The following MKLN1 variants were observed in gnomAD, a reference collection of about 807,000 sequenced individuals.
MKLN1 encodes the protein muskelin 1, also known as muskelin.
A neutral mutation model predicts 99.0 loss-of-function variants in MKLN1; 18 were observed. That is an observed-to-expected ratio of 0.18 (90% CI 0.13 to 0.27). The LOEUF (loss-of-function observed/expected upper bound fraction) is 0.27. Among genes scored for constraint, MKLN1 ranks in the 10% least tolerant of loss-of-function variants. The probability of loss-of-function intolerance (pLI) is 1.00; values close to 1 mark genes in which losing one functional copy is unlikely to be tolerated. For synonymous variants in MKLN1, 288 were observed against 293.2 expected (o/e 0.98, Z 0.18); for missense variants, 621 against 875.9 (o/e 0.71, Z 3.67).
At chr7:131,357,370 C>A (rs1045342062) in intron 1 of MKLN1, among the ~76,000 whole-genome samples, 10 of 152,112 alleles carry the variant, frequency 6.6e-5, no homozygotes, top group Non-Finnish European at 1.3e-4. Context: ...TGATCACCTC[C>A]CTGAGGTGGT....
At chr7:131,418,055 A>AGCAC (rs1778943359) in intron 8 of MKLN1, among the ~76,000 whole-genome samples, 1 of 152,156 alleles carries the variant, frequency 6.6e-6, no homozygotes, top group South Asian at 2.1e-4. Context: ...TTGTCTCGTT[A>AGCAC]GCACCAGAGA....
intron 3 of MKLN1, among the ~76,000 whole-genome samples, chr7:131,314,572 G>C (rs1275425620): frequency 6.6e-6 from 1 of 151,496 alleles, no homozygotes; most frequent in African/African-American, 2.4e-5. Context: ...ACAGGCACCT[G>C]CCACCACGCC....
intron 1 of MKLN1, among the ~76,000 whole-genome samples, chr7:131,129,765 G>A (rs1240308450): frequency 1.3e-5 from 2 of 152,076 alleles, no homozygotes; most frequent in East Asian, 1.9e-4. Context: ...TTTTAGAGAC[G>A]AGGTCTTGCT....
chr7:131,346,120 T>A (rs1185366332), intron 1 of MKLN1, among the ~76,000 whole-genome samples: 1 of 152,206 alleles, frequency 6.6e-6, no homozygotes, highest in East Asian at 1.9e-4. Context: ...ACCAAGATAA[T>A]ATAAACTTTT....
In MKLN1 at chr7:131,470,868, C is replaced by T. The variant is rs1319790418; in HGVS notation, c.1955C>T (p.Pro652Leu). The change falls in exon 16 of 18, where the codon CCC becomes CTC. Residue 652 changes from proline to leucine, a missense_variant. This residue lies in a region of MKLN1 where 126 missense variants were observed against 157.4 expected (regional missense o/e 0.80). Coordinates refer to ENST00000352689, the MANE Select transcript of MKLN1 (RefSeq NM_013255.5). ...TTTGAAGAAAAGGCCCAAGTGGATC[C>T]CCTTAGTGCTCTGAAATATTTACAA... Reference protein sequence around the residue: ...HRFEEKAQVDPLSALKYLQND... With the variant: ...HRFEEKAQVDLLSALKYLQND... 1.2e-6 allele frequency: 2 copies of T among 1,612,048 alleles called. No homozygotes were observed. Among genetic ancestry groups the T allele is most frequent in the Admixed American group, 1.7e-5 (1 of 59,964 alleles).
chr7:131,185,159 C>T (rs533114816), intron 2 of MKLN1, among the ~76,000 whole-genome samples: 1 of 152,254 alleles, frequency 6.6e-6, no homozygotes, highest in Admixed American at 6.5e-5. Flanking sequence ...ATGCCACTAC[C>T]AATATCACTC....
intron 2 of MKLN1, among the ~76,000 whole-genome samples, chr7:131,183,429 A>G (rs1796403643): frequency 6.6e-6 from 1 of 152,156 alleles, no homozygotes; most frequent in Non-Finnish European, 1.5e-5. Flanking sequence ...ATCACCCACT[A>G]TTGTACTCCT....
chr7:131,128,836 G>A (rs1253143398), intron 1 of MKLN1, among the ~76,000 whole-genome samples: 2 of 150,102 alleles, frequency 1.3e-5, no homozygotes, highest in Admixed American at 1.3e-4. Context: ...CTGGACTCAG[G>A]TGATCCTTCC....
At chr7:131,291,973 G>T (rs967991706) in intron 3 of MKLN1, among the ~76,000 whole-genome samples, 3 of 151,962 alleles carry the variant, frequency 2.0e-5, no homozygotes, top group Non-Finnish European at 4.4e-5. Flanking sequence ...CAGGTGTGGT[G>T]GCGTGCGCCT....
At chr7:131,482,878 T>C (rs1187594984) in intron 17 of MKLN1, among the ~76,000 whole-genome samples, 2 of 152,218 alleles carry the variant, frequency 1.3e-5, no homozygotes, top group Non-Finnish European at 2.9e-5. Context: ...AGTAGCCCTA[T>C]GAAGTAGCTA....
chr7:131,416,332 G>A (rs1218586928), intron 8 of MKLN1, among the ~76,000 whole-genome samples: 2 of 152,114 alleles, frequency 1.3e-5, no homozygotes, highest in Non-Finnish European at 2.9e-5. Flanking sequence ...AAGTACATGT[G>A]TAAGAAAGAC....
chr7:131,391,811 G>T (rs190868681), intron 4 of MKLN1, among the ~76,000 whole-genome samples: 43 of 152,304 alleles, frequency 2.8e-4, no homozygotes, highest in African/African-American at 9.4e-4. Flanking sequence ...TGGAAGAAAT[G>T]ATTGCATTTT....
intron 1 of MKLN1, among the ~76,000 whole-genome samples, chr7:131,141,608 T>C (rs1584787315): frequency 6.6e-6 from 1 of 152,200 alleles, no homozygotes; most frequent in Non-Finnish European, 1.5e-5. Context: ...GCATAATCAT[T>C]CATGTTCTTT....
chr7:131,185,799 T>C (rs1796441680), intron 2 of MKLN1, among the ~76,000 whole-genome samples: 1 of 152,114 alleles, frequency 6.6e-6, no homozygotes, highest in African/African-American at 2.4e-5. Context: ...CCCCATAAAG[T>C]TGTTTTGAGG....
rs748394433 is a variant in MKLN1 at position 131,397,339 on chromosome 7, C to G, written c.473C>G (p.Pro158Arg). 6.2e-7 allele frequency: 1 copy of G among 1,612,558 alleles called. No homozygotes were observed. Among genetic ancestry groups the G allele is most frequent in the South Asian group, 1.1e-5 (1 of 90,972 alleles). ...GTTGAACTTAGTGGCATTGATGATCCTGATATAGTACAACCTTGTCTCAAC... is the reference window on the plus strand; with the variant it reads ...GTTGAACTTAGTGGCATTGATGATCGTGATATAGTACAACCTTGTCTCAAC... ...WYVELSGIDD[P>R]DIVQPCLNWY... is the part of the protein sequence containing the mutation. The change falls in exon 5 of 18, where the codon CCT becomes CGT. Residue 158 changes from proline to arginine, a missense_variant. Transcript: ENST00000352689.
At chr7:131,234,882 C>T (rs898974534) in intron 3 of MKLN1, among the ~76,000 whole-genome samples, 1 of 152,140 alleles carries the variant, frequency 6.6e-6, no homozygotes, top group Non-Finnish European at 1.5e-5. Flanking sequence ...TAAAGCTAAC[C>T]TACATTTGCT....
chr7:131,429,106 G>A lies in MKLN1; in HGVS notation c.921G>A (p.Glu307=). The change falls in exon 9 of 18, where the codon GAG becomes GAA. Residue 307 remains glutamate (E), a synonymous_variant. Transcript: ENST00000352689. ...ACTTCTGGGCGTACAGTGTGAAGGA[G>A]AACCAGTGGACATGTATCTCTAGAG... ...LADFWAYSVK[E]NQWTCISRDT... 6.2e-7 allele frequency: 1 copy of A among 1,613,720 alleles called. No individual in the cohort carries two copies. Among genetic ancestry groups the A allele is most frequent in the African/African-American group, 1.3e-5 (1 of 75,002 alleles).
chr7:131,451,656 C>A (rs1796181930), intron 12 of MKLN1, among the ~76,000 whole-genome samples: 1 of 152,146 alleles, frequency 6.6e-6, no homozygotes, highest in African/African-American at 2.4e-5. Flanking sequence ...AATGGATTGG[C>A]AGCTGCTTTA....
At chr7:131,199,687 G>C (rs1796697757) in intron 2 of MKLN1, among the ~76,000 whole-genome samples, 1 of 152,102 alleles carries the variant, frequency 6.6e-6, no homozygotes, top group East Asian at 1.9e-4. Flanking sequence ...ATATTTTCCT[G>C]AGTCTTTTAA....
Sources: gnomAD v4.1 joint callset for allele counts (sites outside exome capture counted in the v4.1 genomes callset) on GRCh38, gnomAD v4.1.1 for gene constraint, gnomAD v4.1.1 regional missense constraint, MANE v1.5 for transcripts, NCBI Gene and HGNC (gene_info 2026-07-23, HGNC 2026-07-21) for gene names.